The following PLCB4 variants were observed in gnomAD, a reference collection of about 807,000 sequenced individuals.
The protein encoded by PLCB4 is 1-phosphatidylinositol 4,5-bisphosphate phosphodiesterase beta-4.
A neutral mutation model predicts 178.8 loss-of-function variants in PLCB4; 77 were observed. The ratio of observed to expected loss-of-function variants is 0.43; its 90% CI spans 0.36 to 0.52. PLCB4 has a LOEUF of 0.52. Ranked by LOEUF, PLCB4 falls within the 20% of genes least tolerant of loss-of-function variation. PLCB4 has a pLI of 0.00. For missense variants in PLCB4, 1,024 were observed against 1,453.4 expected (o/e 0.70, Z 4.80); for synonymous variants, 496 against 490.8 (o/e 1.01, Z -0.14).
At chr20:9,391,217 A>G (rs562600765) in intron 17 of PLCB4, among the ~76,000 whole-genome samples, 1 of 152,336 alleles carries the variant, frequency 6.6e-6, no homozygotes, top group Admixed American at 6.5e-5. Flanking sequence ...AAGAACATTA[A>G]CCTGTGCTCC....
chr20:9,324,377 G>C (rs1449939823), intron 4 of PLCB4, among the ~76,000 whole-genome samples: 1 of 152,034 alleles, frequency 6.6e-6, no homozygotes, highest in Non-Finnish European at 1.5e-5. Flanking sequence ...AGTGAGCCCA[G>C]ATCATGCCAC....
intron 8 of PLCB4, among the ~76,000 whole-genome samples, chr20:9,363,287 A>G (rs573021535): frequency 6.6e-6 from 1 of 152,142 alleles, no homozygotes; most frequent in Admixed American, 6.6e-5. Context: ...TTTCTGATAG[A>G]CAGCTCTGCA....
chr20:9,346,015 T>A (rs1293386536), intron 7 of PLCB4, among the ~76,000 whole-genome samples: 1 of 152,312 alleles, frequency 6.6e-6, no homozygotes, highest in East Asian at 1.9e-4. Flanking sequence ...TTTGCTAACA[T>A]CCTGCAAAGC....
At chr20:9,148,471 G>A (rs961034098) in intron 2 of PLCB4, among the ~76,000 whole-genome samples, 1 of 152,114 alleles carries the variant, frequency 6.6e-6, no homozygotes, top group Non-Finnish European at 1.5e-5. Context: ...CTGAAATACT[G>A]TGGCTGGAGA....
intron 38 of PLCB4, among the ~76,000 whole-genome samples, chr20:9,475,858 A>G (rs529731803): frequency 2.9e-4 from 44 of 152,352 alleles, no homozygotes; most frequent in African/African-American, 1.1e-3. Flanking sequence ...ACTATATAGT[A>G]TAACTGCCTT....
chr20:9,181,910 T>C (rs2093252653), intron 2 of PLCB4, among the ~76,000 whole-genome samples: 1 of 145,676 alleles, frequency 6.9e-6, no homozygotes, highest in Non-Finnish European at 1.6e-5. Context: ...AGAAGATCAA[T>C]AATAGGGGTT....
chr20:9,455,781 A>G (rs1405741665), intron 33 of PLCB4, among the ~76,000 whole-genome samples: 3 of 152,184 alleles, frequency 2.0e-5, no homozygotes, highest in African/African-American at 4.8e-5. Flanking sequence ...CAGACATCAG[A>G]TACTTTCTTC....
rs567629734 is a variant in PLCB4 at position 9,279,774 on chromosome 20, T to C, written c.-15-28026T>C. ...AAACCACTGGCTAACGTTTGAGTAT[T>C]TTCCTTCAAGTCTTTTGCATTTTGT... On this transcript the variant is annotated intron_variant, in intron 3 of 39. Transcript: ENST00000378473. Among the ~76,000 whole-genome samples, 3 of 152,200 alleles carry C rather than the reference T, an allele frequency of 2.0e-5. No homozygotes were observed. In the South Asian group the frequency reaches 6.2e-4, roughly 32 times the overall value.
intron 2 of PLCB4, among the ~76,000 whole-genome samples, chr20:9,216,512 C>T (rs961181895): frequency 1.3e-5 from 2 of 151,332 alleles, no homozygotes; most frequent in African/African-American, 2.4e-5. Flanking sequence ...CCACTGCGCC[C>T]GGCCTGAGAT....
intron 2 of PLCB4, among the ~76,000 whole-genome samples, chr20:9,098,030 C>A (rs144694412): frequency 6.6e-6 from 1 of 152,084 alleles, no homozygotes; most frequent in Non-Finnish European, 1.5e-5. Context: ...GAGATTGTTG[C>A]GAATTTGCTT....
chr20:9,400,551 T>C (rs956725807), intron 19 of PLCB4, among the ~76,000 whole-genome samples: 1 of 152,240 alleles, frequency 6.6e-6, no homozygotes, highest in Non-Finnish European at 1.5e-5. Context: ...GTGGGTTTTT[T>C]TGTTTTGTTT....
intron 2 of PLCB4, among the ~76,000 whole-genome samples, chr20:9,107,700 C>T (rs2091418462): frequency 6.6e-6 from 1 of 152,002 alleles, no homozygotes; most frequent in Admixed American, 6.6e-5. Flanking sequence ...GACTTCGACT[C>T]CTGCTGTAAA....
At chr20:9,275,528 C>T (rs566089171) in intron 3 of PLCB4, among the ~76,000 whole-genome samples, 75 of 152,172 alleles carry the variant, frequency 4.9e-4, no homozygotes, top group Non-Finnish European at 1.0e-3. Flanking sequence ...AATGGTAGAG[C>T]CAGAACTCCA....
At chr20:9,476,695 A>G (rs899004049) in intron 38 of PLCB4, 22 bp from the exon 39 acceptor site, 3 of 1,570,218 alleles carry the variant, frequency 1.9e-6, no homozygotes, top group East Asian at 2.2e-5. Context: ...CAATTTTGAC[A>G]TTACTATTTT....
intron 4 of PLCB4, among the ~76,000 whole-genome samples, chr20:9,311,655 A>T (rs1449239225): frequency 6.6e-6 from 1 of 152,178 alleles, no homozygotes; most frequent in East Asian, 1.9e-4. Context: ...TCAAAATTCA[A>T]GTCCCTCCTC....
chr20:9,270,499 T>C (rs1261009991), intron 3 of PLCB4, among the ~76,000 whole-genome samples: 7 of 152,174 alleles, frequency 4.6e-5, no homozygotes, highest in Admixed American at 4.6e-4. Flanking sequence ...CTTGTATAGG[T>C]AATCTATTTC....
intron 32 of PLCB4, among the ~76,000 whole-genome samples, chr20:9,448,147 C>T (rs1176631641): frequency 6.6e-6 from 1 of 152,080 alleles, no homozygotes; most frequent in Non-Finnish European, 1.5e-5. Flanking sequence ...ATCTTTTGAG[C>T]CCTTAGTAGA....
chr20:9,337,290 G>GA, intron 5 of PLCB4, 84 bp downstream of exon 5: 1 of 901,434 alleles, frequency 1.1e-6, no homozygotes, highest in Non-Finnish European at 1.9e-6. Context: ...GAGTGCTGTT[G>GA]ATGAACCCTA....
intron 3 of PLCB4, among the ~76,000 whole-genome samples, chr20:9,224,649 C>T (rs1168686267): frequency 6.6e-6 from 1 of 152,216 alleles, no homozygotes; most frequent in East Asian, 1.9e-4. Context: ...GTTTGGCCAA[C>T]TGCCAGGTTT....
Sources: gnomAD v4.1 joint callset for allele counts (sites outside exome capture counted in the v4.1 genomes callset) on GRCh38, gnomAD v4.1.1 for gene constraint, MANE v1.5 for transcripts, NCBI Gene and HGNC (gene_info 2026-07-23, HGNC 2026-07-21) for gene names.